CFAP46: variants seen among roughly 807,000 people sequenced by gnomAD.
CFAP46 encodes the protein cilia and flagella associated protein 46, also known as cilia- and flagella-associated protein 46.
CFAP46 carries 245 observed loss-of-function variants against 325.7 expected under a neutral mutation model. The ratio of observed to expected loss-of-function variants is 0.75; its 90% CI spans 0.68 to 0.84. The LOEUF is 0.84. Among genes scored for constraint, CFAP46 ranks in the 40% least tolerant of loss-of-function variants. The pLI is 0.00. For synonymous variants in CFAP46, 1,523 were observed against 1,495.9 expected (o/e 1.02, Z -0.42); for missense variants, 3,346 against 3,543.0 (o/e 0.94, Z 1.41).
chr10:132,846,839 G>C, intron 43 of CFAP46, 93 bp downstream of exon 43: 1 of 1,432,652 alleles, frequency 7.0e-7, no homozygotes, highest in Non-Finnish European at 9.3e-7. Context: ...CTTCTCTAAT[G>C]GAGTCCCCCC....
At position 132,939,233 on chromosome 10, in the gene CFAP46, G is replaced by A. The variant is rs1340910563; in HGVS notation, c.372-480C>T. Among the ~76,000 whole-genome samples, 1 of 152,188 alleles carries A rather than the reference G, an allele frequency of 6.6e-6. No homozygotes were observed. Among genetic ancestry groups the A allele is most frequent in the Non-Finnish European group, 1.5e-5 (1 of 68,016 alleles). ...ATGTCAGGAGGCAGCCAAGACAGTAGTAGAGGAAAAGAAGGTCAGGAAGAT... is the reference window on the plus strand; with the variant it reads ...ATGTCAGGAGGCAGCCAAGACAGTAATAGAGGAAAAGAAGGTCAGGAAGAT... On this transcript the variant is annotated intron_variant, in intron 4 of 57. Coordinates refer to ENST00000368586, the MANE Select transcript of CFAP46 (RefSeq NM_001200049.3). This position sits in a 1 kb window ranked among gnomAD's most constrained non-coding sequence, Gnocchi z 4.6.
chr10:132,902,020 C>T (rs1053045324), intron 22 of CFAP46, among the ~76,000 whole-genome samples: 5 of 152,276 alleles, frequency 3.3e-5, no homozygotes, highest in South Asian at 4.1e-4. Flanking sequence ...GATCTGCTCC[C>T]GGTCTTTGGT....
At chr10:132,834,309 T>C (rs1217339579) in intron 48 of CFAP46, among the ~76,000 whole-genome samples, 186 bp from the exon 49 acceptor site, 1 of 152,164 alleles carries the variant, frequency 6.6e-6, no homozygotes, top group East Asian at 1.9e-4. Flanking sequence ...TCATCTCTGA[T>C]CCACCAGCCA....
chr10:132,906,793 C>T (rs574672827), intron 22 of CFAP46, among the ~76,000 whole-genome samples: 6 of 132,470 alleles, frequency 4.5e-5, no homozygotes, highest in South Asian at 2.4e-4. Flanking sequence ...GGTCCTGGCG[C>T]GTGATGCCCC....
At chr10:132,896,326 C>T (rs1158364564) in intron 24 of CFAP46, among the ~76,000 whole-genome samples, 1 of 152,256 alleles carries the variant, frequency 6.6e-6, no homozygotes, top group African/African-American at 2.4e-5. Flanking sequence ...AGAAGGCATC[C>T]AGGCATTGAT....
chr10:132,921,876 C>T (rs1849727480), intron 13 of CFAP46, among the ~76,000 whole-genome samples: 1 of 152,230 alleles, frequency 6.6e-6, no homozygotes, highest in Non-Finnish European at 1.5e-5. Flanking sequence ...CCTGTGGGGT[C>T]TGTCCCGGCA....
In CFAP46 at chr10:132,832,725, TCAGTCA is replaced by T. The variant is rs934492115; in HGVS notation, c.7117+627_7117+632del. Reference sequence around the variant, plus strand: ...CGGGGCACGTCTGCACAGCCAGCACTCAGTCACAGAATGTCATCACCCCCGAATCCC... The same window carrying T: ...CGGGGCACGTCTGCACAGCCAGCACTCAGAATGTCATCACCCCCGAATCCC... On this transcript the variant is annotated intron_variant, in intron 50 of 57. Transcript: ENST00000368586. This position sits in a 1 kb window ranked among gnomAD's most constrained non-coding sequence, Gnocchi z 4.1. 2.1e-6 allele frequency: 1 copy of T among 470,624 alleles called. No individual in the cohort carries two copies. The highest frequency in any genetic ancestry group is 4.4e-6 in the Non-Finnish European group (1 of 226,554). The allele number at this position is 470,624 out of a possible 1,614,324, so 29.2% of individuals were successfully genotyped here. A position where few individuals can be genotyped will look rare whatever the true frequency, so the allele number is the denominator to read the frequency against.
chr10:132,883,904 C>T (rs753695398), intron 27 of CFAP46, among the ~76,000 whole-genome samples: 17 of 152,142 alleles, frequency 1.1e-4, no homozygotes, highest in Non-Finnish European at 2.2e-4. Context: ...GGAGTGAGTG[C>T]TGATGGATGC....
chr10:132,909,701 C>T (rs1849511750), intron 20 of CFAP46, among the ~76,000 whole-genome samples: 1 of 152,258 alleles, frequency 6.6e-6, no homozygotes, highest in Admixed American at 6.5e-5. Flanking sequence ...GGCCCAGCAG[C>T]TCACAGACCC....
chr10:132,875,778 A>T (rs534422195), intron 31 of CFAP46, among the ~76,000 whole-genome samples: 1 of 152,236 alleles, frequency 6.6e-6, no homozygotes, highest in Non-Finnish European at 1.5e-5. Context: ...GAAAAATACT[A>T]TAACAGAATA....
Position 132,826,519 on chromosome 10 carries a change from C to T in CFAP46, c.7117+6839G>A, listed in dbSNP as rs1316613114. ...CGGAGCCACGGAGCCAGGCAGGAAC[C>T]GGAGCCACGGAGACCAGCCACGGAG... On this transcript the variant is annotated intron_variant, in intron 50 of 57. Coordinates refer to ENST00000368586, the MANE Select transcript of CFAP46 (RefSeq NM_001200049.3). 1.2e-4 allele frequency among the ~76,000 whole-genome samples: 14 copies of T among 120,604 alleles called. 1 individual carries two copies. The highest frequency in any genetic ancestry group is 3.9e-4 in the African/African-American group (12 of 30,430). 79.1% of individuals were successfully genotyped at this position (120,604 alleles called of 152,430 possible). A position where few individuals can be genotyped will look rare whatever the true frequency, so the allele number is the denominator to read the frequency against.
At chr10:132,879,279 G>A (rs1180936506) in intron 29 of CFAP46, 147 bp downstream of exon 29, 1 of 755,316 alleles carries the variant, frequency 1.3e-6, no homozygotes. Flanking sequence ...GAATCTGGAT[G>A]TCGCAGGAAA....
At chr10:132,852,175 A>G (rs71503763) in intron 39 of CFAP46, among the ~76,000 whole-genome samples, 46 of 73,842 alleles carry the variant, frequency 6.2e-4, no homozygotes, top group South Asian at 2.8e-3. Flanking sequence ...CATTTACTTA[A>G]GAATTCTCAG....
rs571965469 is a variant in CFAP46 at position 132,827,554 on chromosome 10, G to C, written c.7117+5804C>G. Among the ~76,000 whole-genome samples the C allele has an allele frequency of 6.6e-6, 1 of 152,102 alleles. No homozygotes were observed. The highest frequency in any genetic ancestry group is 2.4e-5 in the African/African-American group (1 of 41,506). On this transcript the variant is annotated intron_variant, in intron 50 of 57. Transcript: ENST00000368586. This position sits in a 1 kb window ranked among gnomAD's most constrained non-coding sequence, Gnocchi z 5.7. ...CACGAGGCCTTGGGGTCACAGGAAG[G>C]CTCGGAGTGCCAGAGTACAGAGTCC...
In CFAP46 at chr10:132,834,085, G is replaced by C. The variant is rs145659759; in HGVS notation, c.6905C>G (p.Ser2302Trp). The C allele has an allele frequency of 6.2e-7, 1 of 1,613,940 alleles. No homozygotes were observed. The highest frequency in any genetic ancestry group is 8.5e-7 in the Non-Finnish European group (1 of 1,180,012). Residue 2302 changes from serine (S) to tryptophan (W), a missense_variant, in exon 49 of 58, where the codon TCG (serine) becomes TGG (tryptophan). Ser to Trp is a radical substitution (Grantham distance 177). Transcript: ENST00000368586. ...TTTCCTCTCCTTGTCTTTGCCCTTCGACTTCCCTGAATCGGCAACAACCGC... is the reference window on the plus strand; with the variant it reads ...TTTCCTCTCCTTGTCTTTGCCCTTCCACTTCCCTGAATCGGCAACAACCGC... ...TPAVVADSGK[S>W]KGKDKERKTS...
At chr10:132,899,741 T>A in intron 22 of CFAP46, 75 bp from the exon 23 acceptor site, 1 of 1,468,742 alleles carries the variant, frequency 6.8e-7, no homozygotes, top group Non-Finnish European at 9.1e-7. Context: ...GTCACTGTCT[T>A]GAACTGTGGA....
In CFAP46 at chr10:132,882,934, G is replaced by C. The variant is rs142762093; in HGVS notation, c.3628-1902C>G. On this transcript the variant is annotated intron_variant, in intron 27 of 57. Coordinates refer to ENST00000368586, the MANE Select transcript of CFAP46 (RefSeq NM_001200049.3). ...TCTTCTCAACAGAAGTGCGGGGCCAGCTGGCATCCACAGGCTGAGGAGTGC... is the reference window on the plus strand; with the variant it reads ...TCTTCTCAACAGAAGTGCGGGGCCACCTGGCATCCACAGGCTGAGGAGTGC... Among the ~76,000 whole-genome samples the C allele has an allele frequency of 9.2e-3, 1,405 of 152,256 alleles. 12 individuals carry two copies. Among genetic ancestry groups the C allele is most frequent in the South Asian group, 0.043 (208 of 4,828 alleles).
intron 8 of CFAP46, among the ~76,000 whole-genome samples, chr10:132,934,140 A>G (rs1849955533): frequency 6.6e-6 from 1 of 152,162 alleles, no homozygotes; most frequent in Non-Finnish European, 1.5e-5. Context: ...AGAAAACCAA[A>G]CAGATAATTT....
Position 132,832,492 on chromosome 10 carries a change from G to A in CFAP46, c.7117+866C>T, listed in dbSNP as rs750651499. The A allele has an allele frequency of 4.5e-4, 134 of 294,644 alleles. No homozygotes were observed. The highest frequency in any genetic ancestry group is 6.1e-4 in the Non-Finnish European group (90 of 147,220). 18.3% of individuals were successfully genotyped at this position (294,644 alleles called of 1,614,324 possible). Reference sequence around the variant, plus strand: ...CCCCCTTCGAGGCCCCCCGTCCTGCGCGGACTGCTCGTCAATGTTTGAAAA... The same window carrying A: ...CCCCCTTCGAGGCCCCCCGTCCTGCACGGACTGCTCGTCAATGTTTGAAAA... On this transcript the variant is annotated intron_variant, in intron 50 of 57. Coordinates refer to ENST00000368586, the MANE Select transcript of CFAP46 (RefSeq NM_001200049.3). This position sits in a 1 kb window ranked among gnomAD's most constrained non-coding sequence, Gnocchi z 4.1.
Sources: allele counts gnomAD v4.1 joint callset (sites outside exome capture counted in the v4.1 genomes callset), GRCh38; gene constraint gnomAD v4.1.1; non-coding constraint Gnocchi (gnomAD v3.1); transcripts MANE v1.5; gene names NCBI Gene and HGNC (gene_info 2026-07-23, HGNC 2026-07-21).